The following CEP128 variants were observed in gnomAD, a reference collection of about 807,000 sequenced individuals.
CEP128 encodes the protein centrosomal protein 128, also known as centrosomal protein 128kDa.
In CEP128, 132 loss-of-function variants were observed where a neutral mutation model predicts 156.7. The ratio of observed to expected loss-of-function variants is 0.84; its 90% CI spans 0.73 to 0.97. The LOEUF is 0.97. CEP128 is among the 50% of genes least tolerant of loss of function. The probability of loss-of-function intolerance (pLI) is 0.00; values close to 1 mark genes in which losing one functional copy is unlikely to be tolerated. For synonymous variants in CEP128, 469 were observed against 448.9 expected (o/e 1.04, Z -0.57); for missense variants, 1,252 against 1,281.9 (o/e 0.98, Z 0.36).
intron 19 of CEP128, among the ~76,000 whole-genome samples, chr14:80,658,093 T>C (rs1208245565): frequency 6.6e-6 from 1 of 152,208 alleles, no homozygotes; most frequent in Non-Finnish European, 1.5e-5. Context: ...GTACTTTAGA[T>C]TGATAATTTA....
intron 23 of CEP128, among the ~76,000 whole-genome samples, chr14:80,518,767 T>C (rs1198336274): frequency 2.0e-5 from 3 of 152,240 alleles, no homozygotes; most frequent in African/African-American, 7.2e-5. Context: ...GGTTTAACTC[T>C]ATTATATCTT....
chr14:80,921,133 T>A (rs1884835793), intron 2 of CEP128, among the ~76,000 whole-genome samples: 1 of 152,308 alleles, frequency 6.6e-6, no homozygotes, highest in African/African-American at 2.4e-5. Context: ...GAATTCCAAT[T>A]TCATAATAAA....
chr14:80,599,046 T>C (rs1447916570), intron 19 of CEP128, among the ~76,000 whole-genome samples: 1 of 152,220 alleles, frequency 6.6e-6, no homozygotes, highest in Non-Finnish European at 1.5e-5. Context: ...TAAAATGATC[T>C]TTATGTATTA....
intron 13 of CEP128, among the ~76,000 whole-genome samples, chr14:80,797,353 T>C (rs1338803859): frequency 6.6e-6 from 1 of 152,220 alleles, no homozygotes; most frequent in South Asian, 2.1e-4. Flanking sequence ...TGATTGGGTA[T>C]GTGAGTGTAA....
At chr14:80,479,161 A>G (rs1386557300) in intron 14 of CEP128, among the ~76,000 whole-genome samples, 1 of 152,212 alleles carries the variant, frequency 6.6e-6, no homozygotes, top group Non-Finnish European at 1.5e-5. Context: ...ATTACCCCAA[A>G]TCGCACAATT....
At chr14:80,530,425 T>G (rs1476365620) in intron 22 of CEP128, among the ~76,000 whole-genome samples, 1 of 152,222 alleles carries the variant, frequency 6.6e-6, no homozygotes, top group Non-Finnish European at 1.5e-5. Context: ...ACTTGGGAAC[T>G]ACCATATCTC....
intron 19 of CEP128, among the ~76,000 whole-genome samples, chr14:80,674,181 C>T (rs1895972219): frequency 6.6e-6 from 1 of 151,720 alleles, no homozygotes; most frequent in South Asian, 2.1e-4. Context: ...TGACAAACAT[C>T]AATTATGTGA....
chr14:80,799,356 G>A (rs1883689717), intron 13 of CEP128, among the ~76,000 whole-genome samples: 1 of 152,116 alleles, frequency 6.6e-6, no homozygotes, highest in Non-Finnish European at 1.5e-5. Flanking sequence ...GAGGATGTAT[G>A]TCACCTCAGG....
chr14:80,513,548 A>G (rs1888355150), intron 23 of CEP128, among the ~76,000 whole-genome samples: 1 of 152,088 alleles, frequency 6.6e-6, no homozygotes, highest in South Asian at 2.1e-4. Flanking sequence ...TCTTTGAAAG[A>G]CTTTCTACTC....
chr14:80,893,800 C>G (rs925951718), intron 8 of CEP128, among the ~76,000 whole-genome samples: 6 of 151,850 alleles, frequency 4.0e-5, no homozygotes, highest in Non-Finnish European at 8.8e-5. Flanking sequence ...GTAATCAAGA[C>G]AGTGGAATAC....
At chr14:80,666,670 ATGAACAAAGTAC>A (rs922715650) in intron 19 of CEP128, among the ~76,000 whole-genome samples, 1 of 151,864 alleles carries the variant, frequency 6.6e-6, no homozygotes, top group Non-Finnish European at 1.5e-5. Flanking sequence ...GGATATTGCA[ATGAACAAAGTAC>A]TGTCCTCACA....
intron 19 of CEP128, among the ~76,000 whole-genome samples, chr14:80,732,490 G>A (rs921551915): frequency 2.7e-4 from 41 of 149,402 alleles, no homozygotes; most frequent in Admixed American, 1.4e-3. Context: ...GTGTGTGTGT[G>A]TGTGTGTGTG....
chr14:80,788,516 T>C (rs1901539598), intron 14 of CEP128, among the ~76,000 whole-genome samples: 5 of 152,034 alleles, frequency 3.3e-5, no homozygotes, highest in Admixed American at 3.3e-4. Context: ...CCTAAACTTG[T>C]CTTTCTCTTG....
intron 1 of CEP128, among the ~76,000 whole-genome samples, chr14:80,940,893 T>C (rs1294384221): frequency 1.3e-5 from 2 of 152,210 alleles, no homozygotes; most frequent in Non-Finnish European, 2.9e-5. Flanking sequence ...CAACAAATGC[T>C]GAGCACTTGC....
chr14:80,879,015 A>G (rs998865708), intron 8 of CEP128, among the ~76,000 whole-genome samples: 6 of 152,188 alleles, frequency 3.9e-5, no homozygotes, highest in Admixed American at 3.9e-4. Flanking sequence ...CTAATAACCT[A>G]CACAGTCACT....
chr14:80,509,650 C>A (rs1888151290), intron 23 of CEP128, among the ~76,000 whole-genome samples: 1 of 152,068 alleles, frequency 6.6e-6, no homozygotes. Context: ...TTTATGTGAT[C>A]CCAGCTCTCC....
chr14:80,520,576 T>C (rs563323446), intron 23 of CEP128, among the ~76,000 whole-genome samples: 127 of 152,348 alleles, frequency 8.3e-4, no homozygotes, highest in Non-Finnish European at 1.6e-3. Flanking sequence ...AAATTATATA[T>C]TCCTAGTGTG....
intron 18 of CEP128, among the ~76,000 whole-genome samples, chr14:80,745,384 T>C (rs1307319882): frequency 6.6e-6 from 1 of 152,188 alleles, no homozygotes; most frequent in Non-Finnish European, 1.5e-5. Flanking sequence ...TAGTTCTTTG[T>C]AACAGTGTGA....
At chr14:80,920,929 T>A (rs546166220) in intron 2 of CEP128, among the ~76,000 whole-genome samples, 23 of 152,242 alleles carry the variant, frequency 1.5e-4, no homozygotes, top group African/African-American at 5.5e-4. Flanking sequence ...CAAAAATTTC[T>A]CCTAATAAAA....
Sources: allele counts gnomAD v4.1 joint callset (sites outside exome capture counted in the v4.1 genomes callset), GRCh38; gene constraint gnomAD v4.1.1; transcripts MANE v1.5; gene names NCBI Gene and HGNC (gene_info 2026-07-23, HGNC 2026-07-21).